The following RALGPS1 variants were observed in gnomAD, a reference collection of about 807,000 sequenced individuals.
The protein encoded by RALGPS1 is Ral GEF with PH domain and SH3 binding motif 1, also known as ras-specific guanine nucleotide-releasing factor RalGPS1.
In RALGPS1, 19 loss-of-function variants were observed where a neutral mutation model predicts 78.8. The observed-to-expected ratio is 0.24, with a 90% confidence interval of 0.17 to 0.35. RALGPS1 has a LOEUF of 0.35. Among genes scored for constraint, RALGPS1 ranks in the 10% least tolerant of loss-of-function variants. RALGPS1 has a pLI of 1.00. For synonymous variants in RALGPS1, 228 were observed against 256.3 expected, an observed-to-expected ratio of 0.89 and a Z score of 1.06; for missense variants, 454 against 688.3, an observed-to-expected ratio of 0.66 and a Z score of 3.81.
At chr9:127,086,169 G>A (rs190837235) in intron 8 of RALGPS1, among the ~76,000 whole-genome samples, 6 of 152,282 alleles carry the variant, frequency 3.9e-5, no homozygotes, top group South Asian at 2.1e-4. Flanking sequence ...GCTTCAGTGC[G>A]TATCAGTGCA....
intron 14 of RALGPS1, among the ~76,000 whole-genome samples, chr9:127,203,752 A>G (rs1419296521): frequency 6.6e-6 from 1 of 152,230 alleles, no homozygotes; most frequent in African/African-American, 2.4e-5. Flanking sequence ...GACCTGCATG[A>G]GGCACCAGGC....
intron 14 of RALGPS1, among the ~76,000 whole-genome samples, chr9:127,202,396 G>T (rs2061681412): frequency 6.6e-6 from 1 of 152,108 alleles, no homozygotes; most frequent in Admixed American, 6.5e-5. Context: ...TGCCCAGTAG[G>T]TCCCCATAGT....
At chr9:126,931,672 G>A (rs1014745848) in intron 1 of RALGPS1, among the ~76,000 whole-genome samples, 1 of 152,158 alleles carries the variant, frequency 6.6e-6, no homozygotes, top group African/African-American at 2.4e-5. Flanking sequence ...TTTGTAGGGT[G>A]ATAAAATGTT....
chr9:126,997,336 A>T (rs1419983520), intron 4 of RALGPS1, among the ~76,000 whole-genome samples: 1 of 152,222 alleles, frequency 6.6e-6, no homozygotes, highest in African/African-American at 2.4e-5. Context: ...AAGTCTCAGG[A>T]TTCAAAATCA....
chr9:127,108,680 C>G (rs2054506080), intron 8 of RALGPS1: 6 of 1,613,298 alleles, frequency 3.7e-6, no homozygotes, highest in Non-Finnish European at 4.2e-6. Context: ...GCAACAGCTC[C>G]CATGGCAGCC....
At chr9:126,975,496 G>C (rs981706976) in intron 3 of RALGPS1, among the ~76,000 whole-genome samples, 3 of 152,230 alleles carry the variant, frequency 2.0e-5, no homozygotes, top group Non-Finnish European at 4.4e-5. Context: ...CGGATAGGGT[G>C]TTAACTTGAA....
At chr9:127,006,041 G>A (rs1254145229) in intron 4 of RALGPS1, among the ~76,000 whole-genome samples, 5 of 151,998 alleles carry the variant, frequency 3.3e-5, no homozygotes, top group Non-Finnish European at 7.4e-5. Flanking sequence ...CAACAAACTG[G>A]GCATCAAAGG....
At chr9:127,112,296 G>A (rs1305156094) in intron 8 of RALGPS1, among the ~76,000 whole-genome samples, 1 of 152,214 alleles carries the variant, frequency 6.6e-6, no homozygotes, top group Admixed American at 6.5e-5. Flanking sequence ...GGCTGCCCCT[G>A]TGCTAGTGGT....
intron 8 of RALGPS1, among the ~76,000 whole-genome samples, chr9:127,080,006 C>T (rs1228502833): frequency 5.9e-5 from 9 of 152,302 alleles, no homozygotes; most frequent in Non-Finnish European, 1.3e-4. Context: ...ACAACACTGG[C>T]CTCTAGGGCA....
intron 4 of RALGPS1, among the ~76,000 whole-genome samples, chr9:126,994,126 T>G (rs1483021454): frequency 6.6e-6 from 1 of 152,082 alleles, no homozygotes; most frequent in Non-Finnish European, 1.5e-5. Flanking sequence ...AGAGCACCTC[T>G]CCTTCTCCAA....
At chr9:126,928,900 C>T (rs1234981415) in intron 1 of RALGPS1, among the ~76,000 whole-genome samples, 1 of 152,208 alleles carries the variant, frequency 6.6e-6, no homozygotes, top group African/African-American at 2.4e-5. Context: ...CCACGCCCGG[C>T]CAAGGATACT....
intron 8 of RALGPS1, among the ~76,000 whole-genome samples, chr9:127,120,823 A>AT (rs1220877524): frequency 6.7e-6 from 1 of 150,226 alleles, no homozygotes; most frequent in Non-Finnish European, 1.5e-5. Context: ...GCGAGACTCC[A>AT]TCTCAAAAAA....
chr9:127,021,369 G>T (rs1388354974), intron 4 of RALGPS1, among the ~76,000 whole-genome samples: 1 of 151,870 alleles, frequency 6.6e-6, no homozygotes, highest in African/African-American at 2.4e-5. Flanking sequence ...CGGGCATATT[G>T]GTGCACCTGT....
At chr9:127,089,259 G>T in intron 8 of RALGPS1, 1 of 1,019,124 alleles carries the variant, frequency 9.8e-7, no homozygotes, top group Non-Finnish European at 1.5e-6. Flanking sequence ...ACGCTTGAAA[G>T]GTGGACCCGT....
At chr9:127,088,822 A>G in intron 8 of RALGPS1, 2 of 1,212,498 alleles carry the variant, frequency 1.6e-6, no homozygotes, top group Non-Finnish European at 1.2e-6. Flanking sequence ...AGAATCCAGC[A>G]TCCCGGTCCT....
At chr9:126,997,291 C>G (rs1209549682) in intron 4 of RALGPS1, among the ~76,000 whole-genome samples, 2 of 152,200 alleles carry the variant, frequency 1.3e-5, no homozygotes, top group Non-Finnish European at 2.9e-5. Context: ...CCCATCGTCT[C>G]AGCCCAAAAT....
chr9:126,980,416 A>C (rs569477374), intron 4 of RALGPS1, among the ~76,000 whole-genome samples: 1 of 152,300 alleles, frequency 6.6e-6, no homozygotes, highest in South Asian at 2.1e-4. Flanking sequence ...TCTTTAAAAA[A>C]ATTACAAATG....
At chr9:127,112,520 TC>T (rs146272085) in intron 8 of RALGPS1, among the ~76,000 whole-genome samples, 3,740 of 152,360 alleles carry the variant, frequency 0.025, 55 homozygotes, top group Middle Eastern at 0.048. Context: ...TTCCAAGCCT[TC>T]CTGGACCTCC....
chr9:127,182,380 CCCTCCCTCCCTCCCTCCCTT>C (rs2060308347), intron 11 of RALGPS1, among the ~76,000 whole-genome samples: 2 of 28,354 alleles, frequency 7.1e-5, no homozygotes, highest in African/African-American at 3.4e-4. Context: ...CTCCCTCCCT[CCCTCCCTCCCTCCCTCCCTT>C]CCTTCCTCCC....
Sources: gnomAD v4.1 joint callset for allele counts (sites outside exome capture counted in the v4.1 genomes callset) on GRCh38, gnomAD v4.1.1 for gene constraint, MANE v1.5 for transcripts, NCBI Gene and HGNC (gene_info 2026-07-23, HGNC 2026-07-21) for gene names.